Variants in MAP1LC3B observed in about 807,000 individuals in gnomAD.
MAP1LC3B encodes the protein microtubule-associated protein 1 light chain 3 beta.
In MAP1LC3B, 12 loss-of-function variants were observed where a neutral mutation model predicts 16.7. The ratio of observed to expected loss-of-function variants is 0.72; its 90% CI spans 0.46 to 1.16. The LOEUF (loss-of-function observed/expected upper bound fraction) is 1.16. Among genes scored for constraint, MAP1LC3B ranks in the 50% most tolerant of loss-of-function variants. MAP1LC3B has a pLI of 0.00. For missense variants in MAP1LC3B, 155 were observed against 159.5 expected (o/e 0.97, Z 0.15); for synonymous variants, 63 against 56.5 (o/e 1.11, Z -0.51).
In MAP1LC3B at chr16:87,402,952, C is replaced by A. The variant is rs769607522; in HGVS notation, c.233C>A (p.Ala78Asp). 1.1e-5 allele frequency: 18 copies of A among 1,613,878 alleles called. No individual in the cohort carries two copies. Among genetic ancestry groups the A allele is most frequent in the East Asian group, 2.2e-5 (1 of 44,896 alleles). ...RRRLQLNANQ[A>D]FFLLVNGHSM... is the part of the protein sequence containing the mutation. The stretch of plus-strand genomic sequence containing the variant: ...CGCTTACAGCTCAATGCTAATCAGG[C>A]CTTCTTCCTGTTGGTGAACGGACAC... Residue 78 changes from alanine (A) to aspartate (D), a missense_variant, in exon 4 of 4, where the codon GCC becomes GAC. Coordinates refer to ENST00000268607, the MANE Select transcript of MAP1LC3B (RefSeq NM_022818.5).
At chr16:87,392,797 C>CG (rs1291867036) in intron 1 of MAP1LC3B, 1 of 153,064 alleles carries the variant, frequency 6.5e-6, no homozygotes, top group Non-Finnish European at 1.4e-5. Flanking sequence ...CCCTCCGCGG[C>CG]GGGGTGCCTG....
rs1317121095 is a variant in MAP1LC3B at position 87,394,154 on chromosome 16, T to C, written c.40+1687T>C. On this transcript the variant is annotated intron_variant, in intron 1 of 3. Coordinates refer to ENST00000268607, the MANE Select transcript of MAP1LC3B (RefSeq NM_022818.5). ...CCTTGTATATACTGTATTTTCAGGGTTTTTTCCCTTGGCTCACCTTTATTT... is the reference window on the plus strand; with the variant it reads ...CCTTGTATATACTGTATTTTCAGGGCTTTTTCCCTTGGCTCACCTTTATTT... Among the ~76,000 whole-genome samples the C allele has an allele frequency of 2.6e-5, 4 of 152,166 alleles. No homozygotes were observed. The East Asian group carries it at 5.8e-4, about 22-fold the overall frequency.
At chr16:87,397,584 C>G (rs1005806807) in intron 1 of MAP1LC3B, among the ~76,000 whole-genome samples, 1 of 152,198 alleles carries the variant, frequency 6.6e-6, no homozygotes, top group Middle Eastern at 3.2e-3. Flanking sequence ...CAGCACTGCA[C>G]TCCAGCCTGG....
At chr16:87,402,144 A>G (rs200012518) in intron 2 of MAP1LC3B, 31 bp from the exon 3 acceptor site, 68 of 1,613,102 alleles carry the variant, frequency 4.2e-5, no homozygotes, top group Non-Finnish European at 5.2e-5. Context: ...CCTGATGACT[A>G]TTTTAAAATC....
chr16:87,398,826 G>A lies in MAP1LC3B; in HGVS notation c.52G>A (p.Glu18Lys). The part of the protein sequence containing the change: ...KQRRTFEQRV[E>K]DVRLIREQHP... ...TCATTTCATTGCAGAACAAAGAGTA[G>A]AAGATGTCCGACTTATTCGAGAGCA... The change falls in exon 2 of 4, where the codon GAA (glutamate) becomes AAA (lysine). Residue 18 changes from glutamate to lysine, a missense_variant. Coordinates refer to ENST00000268607, the MANE Select transcript of MAP1LC3B (RefSeq NM_022818.5). 3 of 1,614,184 alleles carry A rather than the reference G, an allele frequency of 1.9e-6. No individual in the cohort carries two copies. The highest frequency in any genetic ancestry group is 2.5e-6 in the Non-Finnish European group (3 of 1,179,988).
chr16:87,396,512 G>A (rs1019815442), intron 1 of MAP1LC3B, among the ~76,000 whole-genome samples: 8 of 151,778 alleles, frequency 5.3e-5, no homozygotes, highest in African/African-American at 7.3e-5. Flanking sequence ...CTGCCTGAAC[G>A]TTTCTACTTT....
In MAP1LC3B at chr16:87,403,045, T is replaced by C; in HGVS notation, c.326T>C (p.Leu109Pro). 1 of 1,614,184 alleles carries C rather than the reference T, an allele frequency of 6.2e-7. No individual in the cohort carries two copies. The highest frequency in any genetic ancestry group is 1.1e-5 in the South Asian group (1 of 91,088). ...YESEKDEDGF[L>P]YMVYASQETF... ...AGTGAGAAAGATGAAGATGGATTCC[T>C]GTACATGGTCTATGCCTCCCAGGAG... Residue 109 changes from leucine to proline, a missense_variant, in exon 4 of 4, where the codon CTG becomes CCG. Physicochemically the swap from Leu to Pro is moderately conservative, Grantham distance 98 (BLOSUM62 -3). Coordinates refer to ENST00000268607, the MANE Select transcript of MAP1LC3B (RefSeq NM_022818.5).
In MAP1LC3B at chr16:87,395,569, T is replaced by TGGAG. The variant is rs1907769130; in HGVS notation, c.40+3103_40+3106dup. ...ACAGCTGTCTCCTGAAGAATGAGAG[T>TGGAG]GGAGCATCCGTGTGTACCGTGTACA... is the stretch of plus-strand genomic sequence containing the variant. On this transcript the variant is annotated intron_variant, in intron 1 of 3. Coordinates refer to ENST00000268607, the MANE Select transcript of MAP1LC3B (RefSeq NM_022818.5). 5.3e-5 allele frequency among the ~76,000 whole-genome samples: 8 copies of TGGAG among 152,310 alleles called. No individual in the cohort carries two copies. The South Asian group carries it at 1.7e-3, about 32-fold the overall frequency.
intron 1 of MAP1LC3B, among the ~76,000 whole-genome samples, chr16:87,398,218 G>C (rs1907873057): frequency 6.6e-6 from 1 of 152,024 alleles, no homozygotes; most frequent in Admixed American, 6.6e-5. Context: ...AGACGGGACA[G>C]GGTTTCACCA....
chr16:87,400,052 G>T (rs145683625), intron 2 of MAP1LC3B: 1 of 161,498 alleles, frequency 6.2e-6, no homozygotes, highest in African/African-American at 2.4e-5. Context: ...GATTACAGGC[G>T]TGAGTCACCA....
rs750368341 is a variant in MAP1LC3B, at chr16:87,404,229, C to G, written c.*1132C>G. 6.6e-6 allele frequency: 1 copy of G among 152,198 alleles called. No homozygotes were observed. Among genetic ancestry groups the G allele is most frequent in the Non-Finnish European group, 1.5e-5 (1 of 68,034 alleles). The allele number at this position is 152,198 out of a possible 1,614,324, so 9.4% of individuals were successfully genotyped here. On this transcript the variant is annotated 3_prime_UTR_variant, in exon 4 of 4. Transcript: ENST00000268607. ...AAGAGTTAAACCTCCTCAGGTTCAA[C>G]CTGTGATAAAAGACTAGTGCTTCCC...
intron 1 of MAP1LC3B, among the ~76,000 whole-genome samples, chr16:87,393,870 C>A (rs1907703104): frequency 1.3e-5 from 2 of 152,198 alleles, no homozygotes; most frequent in Non-Finnish European, 2.9e-5. Context: ...TCAGACCTGG[C>A]TTCTGTTTTC....
intron 2 of MAP1LC3B, chr16:87,400,081 A>G (rs1242930029): frequency 6.4e-6 from 1 of 155,224 alleles, no homozygotes; most frequent in Non-Finnish European, 1.4e-5. Flanking sequence ...TGATGGCTTT[A>G]TTTAAATTCA....
chr16:87,392,397 T>TCGCCGC lies in MAP1LC3B; in HGVS notation c.-20_-15dup, dbSNP rs528315518. The stretch of plus-strand genomic sequence containing the variant: ...GGGAGCCGCCGGGACCCTCGCGTCG[T>TCGCCGC]CGCCGCCGCCGCCGCCCAGATCCCT... On this transcript the variant is annotated 5_prime_UTR_variant, in exon 1 of 4. Coordinates refer to ENST00000268607, the MANE Select transcript of MAP1LC3B (RefSeq NM_022818.5). 363 of 1,409,324 alleles carry TCGCCGC rather than the reference T, an allele frequency of 2.6e-4. No individual in the cohort carries two copies. The African/African-American group carries it at 4.6e-3, about 18-fold the overall frequency. 87.3% of individuals were successfully genotyped at this position (1,409,324 alleles called of 1,614,324 possible).
chr16:87,392,623 G>A, intron 1 of MAP1LC3B, 156 bp downstream of exon 1: 1 of 649,886 alleles, frequency 1.5e-6, no homozygotes, highest in Non-Finnish European at 2.0e-6. Flanking sequence ...TGCGGGGCCC[G>A]GGGCCCCGTG....
Position 87,403,913 on chromosome 16 carries a change from CCA to C in MAP1LC3B, c.*817_*818del. On this transcript the variant is annotated 3_prime_UTR_variant, in exon 4 of 4. Coordinates refer to ENST00000268607, the MANE Select transcript of MAP1LC3B (RefSeq NM_022818.5). The stretch of plus-strand genomic sequence containing the variant: ...TGTTGTTACGGAAAGCAGCAGTGTA[CCA>C]GTGTCACTCTGGAGTACAGCGGGAG... 1 of 152,274 alleles carries C rather than the reference CCA, an allele frequency of 6.6e-6. No homozygotes were observed. Among genetic ancestry groups the C allele is most frequent in the South Asian group, 2.1e-4 (1 of 4,826 alleles). 9.4% of individuals were successfully genotyped at this position (152,274 alleles called of 1,614,324 possible).
chr16:87,402,024 A>T lies in MAP1LC3B; in HGVS notation c.97-151A>T, dbSNP rs560839933. On this transcript the variant is annotated intron_variant, in intron 2 of 3. Coordinates refer to ENST00000268607, the MANE Select transcript of MAP1LC3B (RefSeq NM_022818.5). Reference sequence around the variant, plus strand: ...ATTTTTTTTTGTATTTTTAGTAGAGATGGGGTTTCACCATGTTAGCCAGGG... The same window carrying T: ...ATTTTTTTTTGTATTTTTAGTAGAGTTGGGGTTTCACCATGTTAGCCAGGG... 4 of 611,974 alleles carry T rather than the reference A, an allele frequency of 6.5e-6. No individual in the cohort carries two copies. The East Asian group carries it at 1.2e-4, about 18-fold the overall frequency. The allele number at this position is 611,974 out of a possible 1,614,324, so 37.9% of individuals were successfully genotyped here.
intron 2 of MAP1LC3B, among the ~76,000 whole-genome samples, chr16:87,401,638 G>A (rs1451861016): frequency 6.6e-6 from 1 of 151,988 alleles, no homozygotes; most frequent in African/African-American, 2.4e-5. Context: ...GTTCAAGCTT[G>A]TCTCAGCCTC....
rs570354741 is a variant in MAP1LC3B, at chr16:87,404,533, G to T, written c.*1436G>T. On this transcript the variant is annotated 3_prime_UTR_variant, in exon 4 of 4. Coordinates refer to ENST00000268607, the MANE Select transcript of MAP1LC3B (RefSeq NM_022818.5). ...TCCACTTGGCTAACTTTTAATATGT[G>T]TATTTTTACATTATGTATATTCTTA... 1.3e-5 allele frequency: 2 copies of T among 151,974 alleles called. No homozygotes were observed. The highest frequency in any genetic ancestry group is 2.1e-4 in the South Asian group (1 of 4,820). 9.4% of individuals were successfully genotyped at this position (151,974 alleles called of 1,614,324 possible). A position where few individuals can be genotyped will look rare whatever the true frequency, so the allele number is the denominator to read the frequency against.
Sources: gnomAD v4.1 joint callset for allele counts (sites outside exome capture counted in the v4.1 genomes callset) on GRCh38, gnomAD v4.1.1 for gene constraint, MANE v1.5 for transcripts, NCBI Gene and HGNC (gene_info 2026-07-23, HGNC 2026-07-21) for gene names.